GTF2F2: variants seen among roughly 807,000 people sequenced by gnomAD.
The protein encoded by GTF2F2 is ATP-dependent helicase GTF2F2.
Under a neutral mutation model 42.2 loss-of-function variants are expected in GTF2F2, and 23 were observed. The observed-to-expected ratio is 0.55, with a 90% CI of 0.39 to 0.77. GTF2F2 has a LOEUF of 0.77. GTF2F2 is among the 30% of genes least tolerant of loss of function. The pLI, the probability that GTF2F2 is intolerant of heterozygous loss-of-function variation, is 0.00. For missense variants in GTF2F2, 261 were observed against 287.2 expected (o/e 0.91, Z 0.66); for synonymous variants, 105 against 100.8 (o/e 1.04, Z -0.25).
At chr13:45,217,903 A>G (rs1873957585) in intron 5 of GTF2F2, among the ~76,000 whole-genome samples, 1 of 152,108 alleles carries the variant, frequency 6.6e-6, no homozygotes, top group South Asian at 2.1e-4. Context: ...TCTTGTTCTG[A>G]TCTTTTCTAG....
At chr13:45,165,333 T>A (rs527448161) in intron 4 of GTF2F2, among the ~76,000 whole-genome samples, 2,932 of 129,224 alleles carry the variant, frequency 0.023, 36 homozygotes, top group Admixed American at 0.041. Flanking sequence ...ATATATATAT[T>A]TTTTTTTTCT....
intron 4 of GTF2F2, among the ~76,000 whole-genome samples, chr13:45,192,569 T>C (rs1350891678): frequency 1.3e-5 from 2 of 152,294 alleles, no homozygotes; most frequent in Non-Finnish European, 2.9e-5. Context: ...TATTTTGTTC[T>C]TAGAAGTTAA....
intron 3 of GTF2F2, among the ~76,000 whole-genome samples, chr13:45,150,328 CTTA>C (rs1020755027): frequency 1.3e-5 from 2 of 151,928 alleles, no homozygotes; most frequent in African/African-American, 4.8e-5. Context: ...TATTCTAAAC[CTTA>C]TTATTGAGCT....
At chr13:45,194,629 T>A (rs1293556996) in intron 4 of GTF2F2, 5 of 1,419,156 alleles carry the variant, frequency 3.5e-6, no homozygotes, top group Non-Finnish European at 4.9e-6. Context: ...AAAGAGACAC[T>A]ACCACACAAG....
intron 6 of GTF2F2, among the ~76,000 whole-genome samples, chr13:45,257,230 T>C (rs1876141063): frequency 6.6e-6 from 1 of 152,192 alleles, no homozygotes; most frequent in Non-Finnish European, 1.5e-5. Flanking sequence ...AATTATATGA[T>C]TATTTTTATC....
chr13:45,181,038 G>A (rs13378753), intron 4 of GTF2F2, among the ~76,000 whole-genome samples: 15,948 of 151,726 alleles, frequency 0.11, 2,300 homozygotes, highest in African/African-American at 0.32. Flanking sequence ...GGTACGTGCC[G>A]GTAGTGTAGT....
At chr13:45,189,023 A>G (rs1268667853) in intron 4 of GTF2F2, among the ~76,000 whole-genome samples, 2 of 151,786 alleles carry the variant, frequency 1.3e-5, no homozygotes, top group Non-Finnish European at 2.9e-5. Context: ...CATTTACATT[A>G]GGTACTTCTC....
intron 1 of GTF2F2, chr13:45,124,005 A>AG: frequency 9.2e-7 from 1 of 1,087,366 alleles, no homozygotes; most frequent in South Asian, 1.3e-5. Context: ...CTGGTGGTCC[A>AG]GGGGTCTTAC....
intron 4 of GTF2F2, among the ~76,000 whole-genome samples, chr13:45,205,558 T>C (rs1050902881): frequency 2.0e-5 from 3 of 152,240 alleles, no homozygotes; most frequent in Admixed American, 6.5e-5. Flanking sequence ...TCTTGCTCTG[T>C]TGCCAGGCTG....
intron 4 of GTF2F2, among the ~76,000 whole-genome samples, chr13:45,169,842 A>T (rs2138143007): frequency 6.6e-6 from 1 of 152,284 alleles, no homozygotes; most frequent in East Asian, 1.9e-4. Flanking sequence ...ATTCCCTTTT[A>T]AATATAGATT....
intron 4 of GTF2F2, among the ~76,000 whole-genome samples, chr13:45,156,654 T>G (rs1870770340): frequency 6.6e-6 from 1 of 152,158 alleles, no homozygotes; most frequent in South Asian, 2.1e-4. Context: ...TTGACAGCTT[T>G]TGGTGATGAA....
At chr13:45,241,382 C>T (rs1222332426) in intron 5 of GTF2F2, among the ~76,000 whole-genome samples, 1 of 151,898 alleles carries the variant, frequency 6.6e-6, no homozygotes, top group Non-Finnish European at 1.5e-5. Context: ...ACTGGACAGG[C>T]CCCTGTAGAC....
chr13:45,195,426 T>A (rs1389326547), intron 4 of GTF2F2, among the ~76,000 whole-genome samples: 1 of 152,194 alleles, frequency 6.6e-6, no homozygotes, highest in Non-Finnish European at 1.5e-5. Flanking sequence ...TAGAAAATAC[T>A]GTGACTGTGT....
chr13:45,188,387 A>G (rs1269357740), intron 4 of GTF2F2, among the ~76,000 whole-genome samples: 5 of 152,220 alleles, frequency 3.3e-5, no homozygotes, highest in African/African-American at 9.7e-5. Flanking sequence ...GTAGTATCTC[A>G]TCACAGAATT....
intron 5 of GTF2F2, among the ~76,000 whole-genome samples, chr13:45,249,273 AC>A (rs1249280877): frequency 6.6e-6 from 1 of 152,150 alleles, no homozygotes; most frequent in Non-Finnish European, 1.5e-5. Context: ...TCATACATTA[AC>A]CTTTTTAGTT....
chr13:45,138,999 T>C (rs1566111437), intron 2 of GTF2F2, among the ~76,000 whole-genome samples: 1 of 152,100 alleles, frequency 6.6e-6, no homozygotes, highest in African/African-American at 2.4e-5. Flanking sequence ...ATCATTAGAG[T>C]GACAGACAAG....
chr13:45,247,386 TG>T (rs1306426115), intron 5 of GTF2F2, among the ~76,000 whole-genome samples: 1 of 151,366 alleles, frequency 6.6e-6, no homozygotes, highest in South Asian at 2.1e-4. Context: ...GACAGATACC[TG>T]GTTTTTTTGT....
At chr13:45,197,219 G>A (rs1009545004) in intron 4 of GTF2F2, among the ~76,000 whole-genome samples, 4 of 151,552 alleles carry the variant, frequency 2.6e-5, no homozygotes, top group Non-Finnish European at 4.4e-5. Context: ...AATGTAGGCC[G>A]GGCATGTTGG....
intron 6 of GTF2F2, among the ~76,000 whole-genome samples, chr13:45,256,356 CT>C (rs1876104827): frequency 6.6e-6 from 1 of 152,116 alleles, no homozygotes; most frequent in Non-Finnish European, 1.5e-5. Flanking sequence ...ATACATACCC[CT>C]GGTGAATAAA....
Sources: gnomAD v4.1 joint callset for allele counts (sites outside exome capture counted in the v4.1 genomes callset) on GRCh38, gnomAD v4.1.1 for gene constraint, MANE v1.5 for transcripts, NCBI Gene and HGNC (gene_info 2026-07-23, HGNC 2026-07-21) for gene names.